The following CUL2 variants were observed in gnomAD, a reference collection of about 807,000 sequenced individuals.
The protein encoded by CUL2 is cullin-2.
CUL2 carries 22 observed loss-of-function variants against 110.2 expected under a neutral mutation model. The observed-to-expected ratio is 0.20, with a 90% confidence interval of 0.14 to 0.28. The LOEUF is 0.28. CUL2 is among the 10% of genes least tolerant of loss of function. CUL2 has a pLI of 1.00. For missense variants in CUL2, 631 were observed against 905.5 expected, an observed-to-expected ratio of 0.70 and a Z score of 3.89; for synonymous variants, 279 against 293.2, an observed-to-expected ratio of 0.95 and a Z score of 0.49.
intron 1 of CUL2, among the ~76,000 whole-genome samples, chr10:35,119,573 TTTATTTATTTA>T (rs2087652133): frequency 3.2e-5 from 3 of 93,220 alleles, no homozygotes; most frequent in South Asian, 5.9e-4. Context: ...TATTTATTTA[TTTATTTATTTA>T]TTTATTTATT....
At chr10:35,099,222 T>A (rs1202480224) in intron 2 of CUL2, among the ~76,000 whole-genome samples, 2 of 151,628 alleles carry the variant, frequency 1.3e-5, no homozygotes, top group Admixed American at 1.3e-4. Flanking sequence ...TAAAACCTGT[T>A]CTTCTAAAAT....
intron 8 of CUL2, among the ~76,000 whole-genome samples, chr10:35,040,639 G>C (rs2085760550): frequency 6.6e-6 from 1 of 152,156 alleles, no homozygotes; most frequent in East Asian, 1.9e-4. Flanking sequence ...CACAGACTCA[G>C]GTCGGGCAAG....
chr10:35,061,117 A>T, intron 3 of CUL2, 149 bp from the exon 4 acceptor site: 1 of 855,980 alleles, frequency 1.2e-6, no homozygotes. Context: ...AACTACACGT[A>T]TTAAAAATGA....
chr10:35,057,249 A>G (rs1488439669), intron 4 of CUL2, among the ~76,000 whole-genome samples: 4 of 152,336 alleles, frequency 2.6e-5, no homozygotes, highest in South Asian at 2.1e-4. Context: ...GCAAAGACAA[A>G]CCAGTATTAT....
intron 6 of CUL2, among the ~76,000 whole-genome samples, chr10:35,045,685 C>G (rs4934707): frequency 0.31 from 46,469 of 151,652 alleles, 7,404 homozygotes; most frequent in South Asian, 0.35. Context: ...CCACTGCACT[C>G]CAGCCTGGGT....
intron 1 of CUL2, among the ~76,000 whole-genome samples, chr10:35,122,522 C>T (rs908861917): frequency 2.6e-5 from 4 of 152,182 alleles, no homozygotes; most frequent in African/African-American, 9.6e-5. Context: ...TTATAGTTTA[C>T]ATTTATTTAA....
intron 18 of CUL2, 44 bp from the exon 19 acceptor site, chr10:35,013,844 C>CT (rs1258818765): frequency 9.5e-6 from 12 of 1,268,346 alleles, no homozygotes; most frequent in African/African-American, 1.5e-5. Flanking sequence ...AAACCAAAAT[C>CT]TTTAAATAAG....
intron 9 of CUL2, among the ~76,000 whole-genome samples, chr10:35,036,263 T>C (rs183724993): frequency 1.3e-5 from 2 of 152,352 alleles, no homozygotes; most frequent in African/African-American, 4.8e-5. Flanking sequence ...ATCTATGTTG[T>C]TGTGCATGGC....
chr10:35,061,358 C>T (rs2086376071), intron 3 of CUL2, among the ~76,000 whole-genome samples: 1 of 151,042 alleles, frequency 6.6e-6, no homozygotes, highest in Non-Finnish European at 1.5e-5. Context: ...CCTGTAAGTT[C>T]CAGCTACTTG....
At chr10:35,018,284 C>T (rs1185897458) in intron 17 of CUL2, among the ~76,000 whole-genome samples, 1 of 45,714 alleles carries the variant, frequency 2.2e-5, no homozygotes, top group African/African-American at 8.7e-5. Flanking sequence ...AAGACTCCAT[C>T]TCACAAAAAA....
In CUL2 at chr10:35,011,836, C is replaced by T. The variant is rs2084910181; in HGVS notation, c.2106+12G>A. The T allele has an allele frequency of 1.3e-6, 2 of 1,486,912 alleles. No individual in the cohort carries two copies. The highest frequency in any genetic ancestry group is 1.9e-6 in the Non-Finnish European group (2 of 1,065,096). 92.1% of individuals were successfully genotyped at this position (1,486,912 alleles called of 1,614,324 possible). ...CTACCCTAAGAAGCCCTGAGGACTGCCCTCCTTTTACCTCTTGAATAAGGG... is the reference window on the plus strand; with the variant it reads ...CTACCCTAAGAAGCCCTGAGGACTGTCCTCCTTTTACCTCTTGAATAAGGG... On this transcript the variant is annotated intron_variant, in intron 20 of 20. Transcript: ENST00000374749.
chr10:35,053,720 C>T (rs1003452872), intron 5 of CUL2, among the ~76,000 whole-genome samples: 3 of 152,148 alleles, frequency 2.0e-5, no homozygotes, highest in African/African-American at 7.2e-5. Flanking sequence ...GAAAGGATTA[C>T]ACTACCTTAA....
intron 1 of CUL2, among the ~76,000 whole-genome samples, chr10:35,114,141 C>G (rs1417073370): frequency 6.6e-6 from 1 of 151,234 alleles, no homozygotes; most frequent in Non-Finnish European, 1.5e-5. Context: ...CCAGGATGGT[C>G]TCGATCTCCT....
chr10:35,106,535 T>C (rs567807170), intron 1 of CUL2, among the ~76,000 whole-genome samples: 1 of 151,584 alleles, frequency 6.6e-6, no homozygotes, highest in African/African-American at 2.4e-5. Context: ...GGTTTCACCG[T>C]GTTAGCCAGG....
At chr10:35,078,552 C>G (rs2086877073) in intron 1 of CUL2, among the ~76,000 whole-genome samples, 1 of 152,118 alleles carries the variant, frequency 6.6e-6, no homozygotes, top group Non-Finnish European at 1.5e-5. Flanking sequence ...CCCCCTGCCT[C>G]AACCTCCCAA....
chr10:35,079,772 GA>G (rs1323189060), intron 1 of CUL2: 1 of 154,762 alleles, frequency 6.5e-6, no homozygotes, highest in African/African-American at 2.4e-5. Flanking sequence ...CTCTATGGCA[GA>G]AGCCTCTCTG....
intron 8 of CUL2, 71 bp from the exon 9 acceptor site, chr10:35,039,153 G>A: frequency 1.5e-5 from 15 of 978,180 alleles, no homozygotes; most frequent in Non-Finnish European, 2.0e-5. Context: ...ATATCAGCAA[G>A]TAACTCAGCC....
intron 1 of CUL2, among the ~76,000 whole-genome samples, chr10:35,072,392 AGAGTCTCAC>A (rs959481152): frequency 2.7e-5 from 4 of 149,758 alleles, no homozygotes; most frequent in African/African-American, 9.9e-5. Context: ...TTTTTGAGAC[AGAGTCTCAC>A]TCTGTTGCCC....
chr10:35,114,378 TTTG>T (rs953690504), intron 1 of CUL2, among the ~76,000 whole-genome samples: 5 of 151,094 alleles, frequency 3.3e-5, no homozygotes, highest in East Asian at 2.0e-4. Flanking sequence ...TTCAAGTGTT[TTTG>T]TTGTTGTTTT....
Sources: gnomAD v4.1 joint callset for allele counts (sites outside exome capture counted in the v4.1 genomes callset) on GRCh38, gnomAD v4.1.1 for gene constraint, MANE v1.5 for transcripts, NCBI Gene and HGNC (gene_info 2026-07-23, HGNC 2026-07-21) for gene names.